ZMYM2: variants seen among roughly 807,000 people sequenced by gnomAD.
The protein encoded by ZMYM2 is zinc finger MYM-type containing 2.
ZMYM2 carries 56 observed loss-of-function variants against 162.8 expected under a neutral mutation model. The ratio of observed to expected loss-of-function variants is 0.34; its 90% CI spans 0.28 to 0.43. The LOEUF (loss-of-function observed/expected upper bound fraction) is 0.43. ZMYM2 is among the 20% of genes least tolerant of loss of function. The probability of loss-of-function intolerance (pLI) is 1.00; values close to 1 mark genes in which losing one functional copy is unlikely to be tolerated. For missense variants in ZMYM2, 1,275 were observed against 1,621.8 expected, an observed-to-expected ratio of 0.79 and a Z score of 3.67; for synonymous variants, 510 against 541.6, an observed-to-expected ratio of 0.94 and a Z score of 0.81.
chr13:20,008,200 G>A (rs1409421993), intron 6 of ZMYM2, among the ~76,000 whole-genome samples: 1 of 152,172 alleles, frequency 6.6e-6, no homozygotes, highest in Non-Finnish European at 1.5e-5. Context: ...TGCAATCTCA[G>A]CTCACTGCAG....
At chr13:20,031,283 C>T (rs757451240) in intron 9 of ZMYM2, 36 bp from the exon 10 acceptor site, 14 of 1,415,840 alleles carry the variant, frequency 9.9e-6, no homozygotes, top group African/African-American at 1.4e-5. Flanking sequence ...TTCAAACATA[C>T]ATGTCAGGCT....
intron 21 of ZMYM2, among the ~76,000 whole-genome samples, chr13:20,070,086 G>T (rs948946812): frequency 6.6e-6 from 1 of 151,816 alleles, no homozygotes; most frequent in Non-Finnish European, 1.5e-5. Flanking sequence ...TTTGTTTGAT[G>T]CTGGCCACAT....
At chr13:20,009,982 C>T (rs770864460) in intron 6 of ZMYM2, among the ~76,000 whole-genome samples, 1 of 152,156 alleles carries the variant, frequency 6.6e-6, no homozygotes, top group African/African-American at 2.4e-5. Flanking sequence ...GAAGAATTGT[C>T]AAACTATTTT....
intron 2 of ZMYM2, among the ~76,000 whole-genome samples, chr13:19,973,049 G>C (rs998441417): frequency 2.0e-5 from 3 of 151,400 alleles, no homozygotes; most frequent in Non-Finnish European, 4.4e-5. Flanking sequence ...CGATTCTCCT[G>C]CCTCAGCCTC....
intron 2 of ZMYM2, among the ~76,000 whole-genome samples, chr13:19,981,305 A>AC (rs1004200438): frequency 1.8e-4 from 25 of 141,086 alleles, no homozygotes; most frequent in African/African-American, 7.2e-4. Flanking sequence ...AAACAAACAA[A>AC]AAAAAAAACA....
chr13:19,963,318 C>G (rs931065987), intron 2 of ZMYM2, among the ~76,000 whole-genome samples: 17 of 152,168 alleles, frequency 1.1e-4, no homozygotes, highest in African/African-American at 4.1e-4. Context: ...ATATTCCTGT[C>G]AAAGCATAGA....
At chr13:20,002,340 A>G (rs1235623051) in intron 3 of ZMYM2, among the ~76,000 whole-genome samples, 1 of 152,210 alleles carries the variant, frequency 6.6e-6, no homozygotes, top group African/African-American at 2.4e-5. Context: ...GCCAGTTATT[A>G]TGCTTTATTA....
At chr13:19,870,537 CTCTT>C in the ZMYM2 span, among the ~76,000 whole-genome samples, 62 of 109,250 alleles carry the variant, frequency 5.7e-4, no homozygotes, top group African/African-American at 2.0e-3. Context: ...TTCTTTCTTT[CTCTT>C]TCTTTCTTTC....
chr13:19,961,889 A>G (rs1182198812), intron 2 of ZMYM2, among the ~76,000 whole-genome samples: 1 of 152,240 alleles, frequency 6.6e-6, no homozygotes, highest in African/African-American at 2.4e-5. Context: ...TTTATTATAC[A>G]GTAGGAACAT....
chr13:19,934,920 C>A, the ZMYM2 span, among the ~76,000 whole-genome samples: 1 of 151,988 alleles, frequency 6.6e-6, no homozygotes, highest in Non-Finnish European at 1.5e-5. Flanking sequence ...GGGCTTAACA[C>A]CACGCCTGGC....
the ZMYM2 span, among the ~76,000 whole-genome samples, chr13:19,873,379 A>AT: frequency 2.1e-5 from 2 of 95,526 alleles, no homozygotes; most frequent in African/African-American, 7.1e-5. Flanking sequence ...GACAGAGTCA[A>AT]TTTTATTTAT....
At chr13:20,073,439 G>C (rs1335816715) in intron 21 of ZMYM2, among the ~76,000 whole-genome samples, 5 of 152,126 alleles carry the variant, frequency 3.3e-5, no homozygotes, top group Non-Finnish European at 7.4e-5. Context: ...TGTATAGTTG[G>C]CCTAGACACT....
At chr13:20,075,863 T>C (rs376429638) in intron 21 of ZMYM2, among the ~76,000 whole-genome samples, 41 of 151,694 alleles carry the variant, frequency 2.7e-4, no homozygotes, top group African/African-American at 7.3e-4. Context: ...TGGGTTTTTT[T>C]TCCCCCCCAT....
intron 21 of ZMYM2, among the ~76,000 whole-genome samples, chr13:20,078,469 A>G (rs886752677): frequency 1.3e-5 from 2 of 152,172 alleles, no homozygotes; most frequent in East Asian, 1.9e-4. Flanking sequence ...TGTTTGTCAT[A>G]TTAGTGACAA....
intron 19 of ZMYM2, among the ~76,000 whole-genome samples, chr13:20,065,376 T>C (rs1276938027): frequency 6.6e-6 from 1 of 152,130 alleles, no homozygotes; most frequent in Non-Finnish European, 1.5e-5. Flanking sequence ...GCCTAAATCT[T>C]AATGGCCTTA....
chr13:20,027,731 GA>G (rs977547989), intron 9 of ZMYM2, among the ~76,000 whole-genome samples: 2 of 152,102 alleles, frequency 1.3e-5, no homozygotes, highest in African/African-American at 2.4e-5. Context: ...TGTAAAGAGG[GA>G]ATTAGATTTT....
At chr13:19,951,443 G>T in the ZMYM2 span, among the ~76,000 whole-genome samples, 1 of 145,196 alleles carries the variant, frequency 6.9e-6, no homozygotes, top group African/African-American at 2.5e-5. Flanking sequence ...TAATCCCAGC[G>T]CTTTGGGAGG....
the ZMYM2 span, among the ~76,000 whole-genome samples, chr13:19,872,416 G>A: frequency 6.6e-6 from 1 of 152,050 alleles, no homozygotes; most frequent in Non-Finnish European, 1.5e-5. Flanking sequence ...CAGGCATGGT[G>A]GTGGGTGCCT....
At chr13:20,041,140 T>G (rs1347592772) in intron 12 of ZMYM2, among the ~76,000 whole-genome samples, 1 of 152,212 alleles carries the variant, frequency 6.6e-6, no homozygotes, top group African/African-American at 2.4e-5. Flanking sequence ...CTTTATTAAT[T>G]ATCTGCTTTG....
Sources: allele counts gnomAD v4.1 joint callset (sites outside exome capture counted in the v4.1 genomes callset), GRCh38; gene constraint gnomAD v4.1.1; transcripts MANE v1.5; gene names NCBI Gene and HGNC (gene_info 2026-07-23, HGNC 2026-07-21).